NKAIN2: variants seen among roughly 807,000 people sequenced by gnomAD.
NKAIN2 encodes sodium/potassium-transporting ATPase subunit beta-1-interacting protein 2.
Under a neutral mutation model 32.6 loss-of-function variants are expected in NKAIN2, and 14 were observed. The ratio of observed to expected loss-of-function variants is 0.43; its 90% CI spans 0.28 to 0.67. The LOEUF is 0.67. Ranked by LOEUF, NKAIN2 falls within the 30% of genes least tolerant of loss-of-function variation. The pLI is 0.17. For missense variants in NKAIN2, 198 were observed against 258.3 expected, an observed-to-expected ratio of 0.77 and a Z score of 1.60; for synonymous variants, 80 against 87.2, an observed-to-expected ratio of 0.92 and a Z score of 0.46.
chr6:124,726,058 C>G, intron 4 of NKAIN2, among the ~76,000 whole-genome samples: 3 of 152,296 alleles, frequency 2.0e-5, no homozygotes, highest in Admixed American at 2.0e-4. Flanking sequence ...GAGGGTCCTA[C>G]GCCCACGGAG....
At chr6:124,410,582 CT>C (rs1774113346) in intron 3 of NKAIN2, among the ~76,000 whole-genome samples, 1 of 152,132 alleles carries the variant, frequency 6.6e-6, no homozygotes, top group Non-Finnish European at 1.5e-5. Context: ...AATTTCTGTT[CT>C]TTTACATTTG....
chr6:124,617,500 A>G (rs1782952072), intron 3 of NKAIN2, among the ~76,000 whole-genome samples: 1 of 152,180 alleles, frequency 6.6e-6, no homozygotes, highest in Non-Finnish European at 1.5e-5. Flanking sequence ...GAATCCTTCT[A>G]TGATCTTCCT....
At chr6:124,728,111 A>G (rs1321576812) in intron 4 of NKAIN2, among the ~76,000 whole-genome samples, 3 of 146,276 alleles carry the variant, frequency 2.1e-5, no homozygotes, top group African/African-American at 7.6e-5. Context: ...TAATAATGGG[A>G]GACTTTAACA....
intron 1 of NKAIN2, among the ~76,000 whole-genome samples, chr6:124,205,863 T>C (rs1224887455): frequency 1.3e-5 from 2 of 151,880 alleles, no homozygotes; most frequent in African/African-American, 4.8e-5. Context: ...CAAAATGTCT[T>C]TAGTTTCCCA....
chr6:124,091,548 A>C (rs1784421226), intron 1 of NKAIN2, among the ~76,000 whole-genome samples: 1 of 152,078 alleles, frequency 6.6e-6, no homozygotes. Context: ...AATAATACAT[A>C]CATTTTTGTA....
chr6:124,692,650 A>G (rs1408489695), intron 4 of NKAIN2, among the ~76,000 whole-genome samples: 4 of 152,004 alleles, frequency 2.6e-5, no homozygotes, highest in African/African-American at 9.7e-5. Context: ...CCCTGTCTCT[A>G]CTAAAAATAC....
At chr6:124,618,279 A>T (rs1034199318) in intron 3 of NKAIN2, among the ~76,000 whole-genome samples, 1 of 152,154 alleles carries the variant, frequency 6.6e-6, no homozygotes, top group African/African-American at 2.4e-5. Context: ...GGAGTTCAAG[A>T]CCAGCCTGGC....
chr6:124,626,113 T>A lies in NKAIN2; in HGVS notation c.274-32073T>A, dbSNP rs750886116. Among the ~76,000 whole-genome samples, 64 of 104,738 alleles carry A rather than the reference T, an allele frequency of 6.1e-4. 1 individual carries two copies. Among genetic ancestry groups the A allele is most frequent in the Admixed American group, 3.6e-3 (28 of 7,778 alleles). 68.7% of individuals were successfully genotyped at this position (104,738 alleles called of 152,430 possible). On this transcript the variant is annotated intron_variant, in intron 3 of 6. Coordinates refer to ENST00000368417, the MANE Select transcript of NKAIN2 (RefSeq NM_001040214.3). ...CCCCACTCCCCACACCCCACAACAGTCCCCAGGGTGACCAGTTTTAATGTA... is the reference window on the plus strand; with the variant it reads ...CCCCACTCCCCACACCCCACAACAGACCCCAGGGTGACCAGTTTTAATGTA...
intron 3 of NKAIN2, among the ~76,000 whole-genome samples, chr6:124,598,088 T>A (rs941020533): frequency 1.3e-5 from 2 of 152,180 alleles, no homozygotes; most frequent in Non-Finnish European, 2.9e-5. Context: ...TAAGTTCATT[T>A]CAAGAAAAAT....
At chr6:124,075,899 A>G (rs1358354363) in intron 1 of NKAIN2, among the ~76,000 whole-genome samples, 5 of 152,166 alleles carry the variant, frequency 3.3e-5, no homozygotes, top group Non-Finnish European at 5.9e-5. Flanking sequence ...CCCAGCATGT[A>G]TGGCACTTTA....
At chr6:124,146,405 CA>C (rs1429415415) in intron 1 of NKAIN2, among the ~76,000 whole-genome samples, 1 of 152,016 alleles carries the variant, frequency 6.6e-6, no homozygotes, top group African/African-American at 2.4e-5. Context: ...AATAAATTAT[CA>C]ATTTGCAGAG....
At chr6:124,687,410 G>T (rs1403802216) in intron 4 of NKAIN2, among the ~76,000 whole-genome samples, 9 of 85,192 alleles carry the variant, frequency 1.1e-4, no homozygotes, top group African/African-American at 3.2e-4. Context: ...TGTATGTATG[G>T]AATATATATA....
At chr6:124,193,475 G>A (rs567728925) in intron 1 of NKAIN2, among the ~76,000 whole-genome samples, 1 of 152,126 alleles carries the variant, frequency 6.6e-6, no homozygotes, top group Admixed American at 6.5e-5. Context: ...ATGTGGCTGG[G>A]CCCAGAAACT....
intron 6 of NKAIN2, among the ~76,000 whole-genome samples, chr6:124,820,555 G>T (rs1448439254): frequency 6.6e-6 from 1 of 152,170 alleles, no homozygotes; most frequent in East Asian, 1.9e-4. Context: ...GCTGTATCAA[G>T]TCAGAAGTAA....
intron 1 of NKAIN2, among the ~76,000 whole-genome samples, chr6:123,940,162 G>A (rs775162105): frequency 7.2e-5 from 11 of 151,968 alleles, no homozygotes; most frequent in Admixed American, 4.6e-4. Context: ...TCTGCTGCTC[G>A]TGAGACAAAA....
chr6:124,485,077 G>A (rs1304344330), intron 3 of NKAIN2, among the ~76,000 whole-genome samples: 1 of 152,116 alleles, frequency 6.6e-6, no homozygotes, highest in Non-Finnish European at 1.5e-5. Flanking sequence ...GCCTTGAGCT[G>A]GCCATTAAAA....
At chr6:124,721,139 G>T (rs1287960153) in intron 4 of NKAIN2, among the ~76,000 whole-genome samples, 3 of 152,104 alleles carry the variant, frequency 2.0e-5, no homozygotes, top group Non-Finnish European at 4.4e-5. Context: ...AACGTTGGCC[G>T]GGCGCGGTGG....
chr6:124,196,569 ACC>A (rs1562415950), intron 1 of NKAIN2, among the ~76,000 whole-genome samples: 1 of 152,000 alleles, frequency 6.6e-6, no homozygotes, highest in African/African-American at 2.4e-5. Context: ...ATGTTTATAT[ACC>A]CAACCTTTGC....
chr6:124,679,521 C>T (rs1229872863), intron 4 of NKAIN2, among the ~76,000 whole-genome samples: 2 of 152,104 alleles, frequency 1.3e-5, no homozygotes, highest in African/African-American at 2.4e-5. Context: ...TGAGTGCCAT[C>T]GATTTTTCTG....
Sources: allele counts gnomAD v4.1 joint callset (sites outside exome capture counted in the v4.1 genomes callset), GRCh38; gene constraint gnomAD v4.1.1; transcripts MANE v1.5; gene names NCBI Gene and HGNC (gene_info 2026-07-23, HGNC 2026-07-21).